SNRNP27: variants seen among roughly 807,000 people sequenced by gnomAD.
The protein encoded by SNRNP27 is U4/U6.U5 small nuclear ribonucleoprotein 27 kDa protein.
SNRNP27 carries 22 observed loss-of-function variants against 25.1 expected under a neutral mutation model. That is an observed-to-expected ratio of 0.88 (90% confidence interval 0.63 to 1.25). The LOEUF (loss-of-function observed/expected upper bound fraction) is 1.25, where lower values mean the gene tolerates loss of function less well. Ranked by LOEUF, SNRNP27 falls within the 50% of genes most tolerant of loss-of-function variation. The pLI is 0.00. For synonymous variants in SNRNP27, 66 were observed against 64.9 expected (o/e 1.02, Z -0.08); for missense variants, 150 against 202.3 (o/e 0.74, Z 1.57).
chr2:69,895,062 T>C (rs1361471160), intron 1 of SNRNP27, 32 bp from the exon 2 acceptor site: 3 of 1,610,380 alleles, frequency 1.9e-6, no homozygotes, highest in Non-Finnish European at 2.5e-6. Flanking sequence ...GAGGTAATTA[T>C]CAGTTCTGCA....
At chr2:69,895,639 A>G (rs1676587726) in intron 2 of SNRNP27, among the ~76,000 whole-genome samples, 1 of 151,600 alleles carries the variant, frequency 6.6e-6, no homozygotes, top group Admixed American at 6.6e-5. Context: ...CTCCCCTGCA[A>G]TCTCTGCCTC....
chr2:69,901,819 A>T (rs1676704811), intron 4 of SNRNP27, among the ~76,000 whole-genome samples: 1 of 152,142 alleles, frequency 6.6e-6, no homozygotes, highest in Admixed American at 6.5e-5. Context: ...CCCTGTGTCT[A>T]AAAAATAATA....
In SNRNP27 at chr2:69,904,699, G is replaced by C. The variant is rs1676764374; in HGVS notation, c.*391G>C. 1 of 255,792 alleles carries C rather than the reference G, an allele frequency of 3.9e-6. No individual in the cohort carries two copies. Among genetic ancestry groups the C allele is most frequent in the South Asian group, 1.1e-4 (1 of 8,870 alleles). 15.8% of individuals were successfully genotyped at this position (255,792 alleles called of 1,614,324 possible). A position where few individuals can be genotyped will look rare whatever the true frequency, so the allele number is the denominator to read the frequency against. On this transcript the variant is annotated 3_prime_UTR_variant, in exon 6 of 6. Transcript: ENST00000244227. ...TTTGATAAATATTTTTATTACTAAA[G>C]AATCTCCCCAGACATTTTCTTTTTT...
chr2:69,897,617 G>A (rs1294064116), intron 4 of SNRNP27, 161 bp downstream of exon 4: 6 of 605,182 alleles, frequency 9.9e-6, no homozygotes, highest in Middle Eastern at 4.6e-4. Flanking sequence ...AACTGCCATT[G>A]GAATTCAGGG....
rs112099060 is a variant in SNRNP27, at chr2:69,896,159, T to A, written c.156-277T>A. 3.8e-3 allele frequency among the ~76,000 whole-genome samples: 584 copies of A among 152,306 alleles called. 3 individuals carry two copies. Among genetic ancestry groups the A allele is most frequent in the African/African-American group, 0.013 (558 of 41,560 alleles). ...TGCTGTTTAAGTCAGCTTTTTTGTATATTTGTGTGTGGTTGTTAGAAACTT... is the reference window on the plus strand; with the variant it reads ...TGCTGTTTAAGTCAGCTTTTTTGTAAATTTGTGTGTGGTTGTTAGAAACTT... On this transcript the variant is annotated intron_variant, in intron 2 of 5. Coordinates refer to ENST00000244227, the MANE Select transcript of SNRNP27 (RefSeq NM_006857.3).
At position 69,904,510 on chromosome 2, in the gene SNRNP27, A is replaced by G. The variant is rs1676760929; in HGVS notation, c.*202A>G. The G allele has an allele frequency of 1.8e-5, 11 of 624,702 alleles. 1 individual carries two copies. The highest frequency in any genetic ancestry group is 8.4e-6 in the Non-Finnish European group (3 of 355,192). The allele number at this position is 624,702 out of a possible 1,614,324, so 38.7% of individuals were successfully genotyped here. A position where few individuals can be genotyped will look rare whatever the true frequency, so the allele number is the denominator to read the frequency against. On this transcript the variant is annotated 3_prime_UTR_variant, in exon 6 of 6. Coordinates refer to ENST00000244227, the MANE Select transcript of SNRNP27 (RefSeq NM_006857.3). The stretch of plus-strand genomic sequence containing the variant: ...GTTAAATATTACATTTTTTTCTTTT[A>G]GGAAATATCATTTGTGGCAGGCGTC...
At chr2:69,895,000 C>G in intron 1 of SNRNP27, 94 bp from the exon 2 acceptor site, 1 of 1,531,738 alleles carries the variant, frequency 6.5e-7, no homozygotes. Context: ...TTTAATGTGA[C>G]TAGTAATGGT....
At chr2:69,894,102 C>T (rs1471674519) in intron 1 of SNRNP27, 84 bp downstream of exon 1, 8 of 1,309,990 alleles carry the variant, frequency 6.1e-6, no homozygotes, top group Middle Eastern at 4.8e-4. Flanking sequence ...TTTTGGTAGC[C>T]GCGTAGCAGA....
intron 4 of SNRNP27, among the ~76,000 whole-genome samples, chr2:69,899,766 G>T (rs1247340723): frequency 3.9e-5 from 6 of 152,080 alleles, no homozygotes; most frequent in Non-Finnish European, 8.8e-5. Context: ...GTCTTGTTTT[G>T]CCACCCATAC....
At chr2:69,902,162 G>A (rs953724526) in intron 4 of SNRNP27, among the ~76,000 whole-genome samples, 3 of 152,114 alleles carry the variant, frequency 2.0e-5, no homozygotes, top group Non-Finnish European at 2.9e-5. Flanking sequence ...ATAGGATCTG[G>A]AAATTATCTC....
rs1211209181 is a variant in SNRNP27 at position 69,904,030 on chromosome 2, A to G, written c.414-224A>G. On this transcript the variant is annotated intron_variant, in intron 5 of 5. Coordinates refer to ENST00000244227, the MANE Select transcript of SNRNP27 (RefSeq NM_006857.3). ...TCTTCTCAAATAATTTCAAAATTAA[A>G]CTTCAATACTGCTATCTGGAGTTAA... Among the ~76,000 whole-genome samples the G allele has an allele frequency of 2.0e-5, 3 of 152,124 alleles. No homozygotes were observed. In the East Asian group the frequency reaches 5.8e-4, roughly 29 times the overall value.
rs764031045 is a variant in SNRNP27 at position 69,895,113 on chromosome 2, C to G, written c.54C>G (p.Ser18=). The G allele has an allele frequency of 1.7e-5, 27 of 1,613,386 alleles. No homozygotes were observed. The African/African-American group carries it at 2.5e-4, about 15-fold the overall frequency. The change falls in exon 2 of 6, where the codon TCC becomes TCG. Residue 18 remains serine, a synonymous_variant. Transcript: ENST00000244227. ...CATTAGAACGTAGGCGTTCCCGGTC[C>G]ACATCCCGGGAGAGAGAACGCAGGC... is the stretch of plus-strand genomic sequence containing the variant. ...SPRRERRRSR[S]TSRERERRRR... is the part of the protein sequence containing the mutation.
intron 3 of SNRNP27, among the ~76,000 whole-genome samples, chr2:69,897,166 A>G (rs1676618718): frequency 6.6e-6 from 1 of 152,150 alleles, no homozygotes; most frequent in Admixed American, 6.5e-5. Context: ...TCCTGTCTAA[A>G]GGCTTCAAGG....
intron 4 of SNRNP27, among the ~76,000 whole-genome samples, chr2:69,901,189 GA>G (rs1676691020): frequency 1.3e-5 from 2 of 150,486 alleles, no homozygotes; most frequent in South Asian, 4.3e-4. Context: ...AAAAAAGAAA[GA>G]AAGAAAGAAA....
At chr2:69,897,198 A>G (rs1676619327) in intron 3 of SNRNP27, among the ~76,000 whole-genome samples, 179 bp from the exon 4 acceptor site, 1 of 151,958 alleles carries the variant, frequency 6.6e-6, no homozygotes, top group Non-Finnish European at 1.5e-5. Context: ...TTTTTGTACC[A>G]TAAGTTACAT....
At chr2:69,900,602 G>A (rs77335043) in intron 4 of SNRNP27, among the ~76,000 whole-genome samples, 1 of 152,176 alleles carries the variant, frequency 6.6e-6, no homozygotes, top group African/African-American at 2.4e-5. Flanking sequence ...GGTCAGAATC[G>A]GTCTTTGCCC....
chr2:69,897,213 T>C (rs981180632), intron 3 of SNRNP27, among the ~76,000 whole-genome samples, 164 bp from the exon 4 acceptor site: 1 of 152,114 alleles, frequency 6.6e-6, no homozygotes, highest in Middle Eastern at 3.2e-3. Flanking sequence ...TTACATTCTG[T>C]CCAAATGTAA....
At chr2:69,900,949 G>A (rs746525268) in intron 4 of SNRNP27, among the ~76,000 whole-genome samples, 6 of 152,152 alleles carry the variant, frequency 3.9e-5, no homozygotes, top group Admixed American at 6.5e-5. Context: ...GGCCGAGGCG[G>A]GGGATCACGA....
At chr2:69,898,990 G>A (rs1222788208) in intron 4 of SNRNP27, among the ~76,000 whole-genome samples, 2 of 152,048 alleles carry the variant, frequency 1.3e-5, no homozygotes, top group Non-Finnish European at 2.9e-5. Context: ...AATGGGGAGG[G>A]AACTTTTTCC....
Sources: allele counts gnomAD v4.1 joint callset (sites outside exome capture counted in the v4.1 genomes callset), GRCh38; gene constraint gnomAD v4.1.1; transcripts MANE v1.5; gene names NCBI Gene and HGNC (gene_info 2026-07-23, HGNC 2026-07-21).